Variants in NRXN1 observed in about 807,000 individuals in gnomAD.
NRXN1 encodes the protein neurexin-1.
Under a neutral mutation model 150.9 loss-of-function variants are expected in NRXN1, and 39 were observed. The observed-to-expected ratio is 0.26, with a 90% CI of 0.20 to 0.34. The LOEUF is 0.34. Ranked by LOEUF, NRXN1 falls within the 10% of genes least tolerant of loss-of-function variation. The pLI is 1.00. For synonymous variants in NRXN1, 924 were observed against 757.0 expected (o/e 1.22, Z -3.62); for missense variants, 1,815 against 1,949.9 (o/e 0.93, Z 1.30).
intron 19 of NRXN1, among the ~76,000 whole-genome samples, chr2:50,064,490 G>C (rs769359488): frequency 1.7e-4 from 26 of 151,684 alleles, no homozygotes; most frequent in Non-Finnish European, 3.5e-4. Context: ...ATTTGGTCAG[G>C]GGGAAATTTC....
intron 17 of NRXN1, among the ~76,000 whole-genome samples, chr2:50,301,644 T>G (rs1465328741): frequency 6.6e-6 from 1 of 152,166 alleles, no homozygotes; most frequent in African/African-American, 2.4e-5. Context: ...CAACCTTTTA[T>G]GTAGCCAGTT....
chr2:50,647,796 T>A (rs1000022385), intron 5 of NRXN1, among the ~76,000 whole-genome samples: 3 of 151,938 alleles, frequency 2.0e-5, no homozygotes, highest in Admixed American at 1.3e-4. Flanking sequence ...AACATTAGGA[T>A]GGAAAATTTG....
chr2:50,361,391 A>G (rs540842128), intron 17 of NRXN1, among the ~76,000 whole-genome samples: 1 of 152,296 alleles, frequency 6.6e-6, no homozygotes, highest in East Asian at 1.9e-4. Flanking sequence ...GAAAAGAGAG[A>G]AGAATCAAAT....
chr2:50,045,884 G>A (rs2152605286), intron 21 of NRXN1, among the ~76,000 whole-genome samples: 1 of 152,250 alleles, frequency 6.6e-6, no homozygotes, highest in East Asian at 1.9e-4. Flanking sequence ...TATCAAAAGA[G>A]ATATCGAGAA....
chr2:50,522,720 ATTTTTTTTTTT>A (rs869200431), intron 12 of NRXN1, among the ~76,000 whole-genome samples: 6 of 47,726 alleles, frequency 1.3e-4, no homozygotes, highest in Non-Finnish European at 3.2e-4. Context: ...ATTTTTATTC[ATTTTTTTTTTT>A]TTTTTTTTTT....
chr2:50,029,479 T>C (rs1688867806), intron 21 of NRXN1, among the ~76,000 whole-genome samples: 2 of 152,080 alleles, frequency 1.3e-5, no homozygotes, highest in South Asian at 4.1e-4. Flanking sequence ...GTCTTAAGCA[T>C]GGGATCCTAA....
intron 5 of NRXN1, among the ~76,000 whole-genome samples, chr2:50,910,339 A>C (rs146380541): frequency 6.6e-6 from 1 of 151,958 alleles, no homozygotes; most frequent in East Asian, 1.9e-4. Context: ...TACATTACAC[A>C]CTTTACCGAT....
intron 5 of NRXN1, among the ~76,000 whole-genome samples, chr2:50,879,110 T>C (rs1679047751): frequency 1.3e-5 from 2 of 151,906 alleles, no homozygotes; most frequent in Admixed American, 1.3e-4. Flanking sequence ...CTACATAGTG[T>C]GGCTGTACGT....
intron 5 of NRXN1, chr2:50,631,006 A>G (rs1682212086): frequency 5.0e-6 from 2 of 398,122 alleles, no homozygotes; most frequent in African/African-American, 2.2e-5. Context: ...TTAAATCCTC[A>G]GTCCTTAAGA....
intron 17 of NRXN1, among the ~76,000 whole-genome samples, chr2:50,329,124 G>A (rs1159867581): frequency 6.6e-6 from 1 of 151,742 alleles, no homozygotes; most frequent in African/African-American, 2.4e-5. Flanking sequence ...AAAATTAAAA[G>A]GTATGTAATT....
chr2:50,905,573 G>T (rs1364964302), intron 5 of NRXN1, among the ~76,000 whole-genome samples: 1 of 152,026 alleles, frequency 6.6e-6, no homozygotes, highest in African/African-American at 2.4e-5. Flanking sequence ...CTATAATCAT[G>T]CTTTGCTTGA....
At chr2:50,770,969 T>C (rs1702945341) in intron 5 of NRXN1, among the ~76,000 whole-genome samples, 1 of 152,106 alleles carries the variant, frequency 6.6e-6, no homozygotes. Flanking sequence ...AAGGAATGTA[T>C]CTTAATTACG....
intron 17 of NRXN1, among the ~76,000 whole-genome samples, chr2:50,387,403 C>T (rs978500305): frequency 4.6e-5 from 7 of 152,104 alleles, no homozygotes; most frequent in African/African-American, 7.2e-5. Context: ...AGTTGTTTTT[C>T]TCTCACTGGG....
chr2:50,459,649 T>C (rs1345562377), intron 17 of NRXN1, among the ~76,000 whole-genome samples: 1 of 152,164 alleles, frequency 6.6e-6, no homozygotes, highest in Admixed American at 6.6e-5. Context: ...ATCTCATTTC[T>C]TTTTATGTTT....
chr2:51,026,744 C>A (rs1322566713), intron 2 of NRXN1, among the ~76,000 whole-genome samples: 1 of 152,296 alleles, frequency 6.6e-6, no homozygotes, highest in Non-Finnish European at 1.5e-5. Context: ...TAATCTCTAA[C>A]ATTTTTAAAC....
chr2:50,993,807 C>T (rs1421915280), intron 2 of NRXN1, among the ~76,000 whole-genome samples: 1 of 151,948 alleles, frequency 6.6e-6, no homozygotes, highest in Non-Finnish European at 1.5e-5. Context: ...AACATCCTTT[C>T]CCTATTCTTT....
chr2:50,218,142 C>A (rs1481282076), intron 18 of NRXN1, among the ~76,000 whole-genome samples: 1 of 152,172 alleles, frequency 6.6e-6, no homozygotes, highest in South Asian at 2.1e-4. Flanking sequence ...ATTGTCTTTA[C>A]ATCATTTTAT....
At chr2:50,114,424 C>T (rs1038341946) in intron 18 of NRXN1, among the ~76,000 whole-genome samples, 9 of 152,118 alleles carry the variant, frequency 5.9e-5, no homozygotes, top group African/African-American at 2.2e-4. Context: ...CAAAGCAATA[C>T]AGTTACTTTG....
chr2:50,284,797 T>C (rs2071907115), intron 17 of NRXN1, among the ~76,000 whole-genome samples: 1 of 152,150 alleles, frequency 6.6e-6, no homozygotes, highest in South Asian at 2.1e-4. Context: ...TACACCACAA[T>C]GTTATGAAGC....
Sources: gnomAD v4.1 joint callset for allele counts (sites outside exome capture counted in the v4.1 genomes callset) on GRCh38, gnomAD v4.1.1 for gene constraint, MANE v1.5 for transcripts, NCBI Gene and HGNC (gene_info 2026-07-23, HGNC 2026-07-21) for gene names.